Variants in RIMS1 observed in about 807,000 individuals in gnomAD.
RIMS1 encodes the protein regulating synaptic membrane exocytosis 1, also known as regulating synaptic membrane exocytosis protein 1.
In RIMS1, 83 loss-of-function variants were observed where a neutral mutation model predicts 214.1. The ratio of observed to expected loss-of-function variants is 0.39; its 90% CI spans 0.32 to 0.47. The LOEUF (loss-of-function observed/expected upper bound fraction) is 0.47. Among genes scored for constraint, RIMS1 ranks in the 20% least tolerant of loss-of-function variants. The pLI is 0.99. For synonymous variants in RIMS1, 793 were observed against 786.8 expected (o/e 1.01, Z -0.13); for missense variants, 2,050 against 2,161.8 (o/e 0.95, Z 1.03).
At chr6:72,347,095 C>G (rs16879207) in intron 29 of RIMS1, among the ~76,000 whole-genome samples, 2,264 of 151,906 alleles carry the variant, frequency 0.015, 42 homozygotes, top group African/African-American at 0.052. Flanking sequence ...TTATACCATA[C>G]GTCTATTGAT....
At chr6:71,909,568 T>TTTAA (rs1005460555) in intron 1 of RIMS1, among the ~76,000 whole-genome samples, 1 of 152,166 alleles carries the variant, frequency 6.6e-6, no homozygotes, top group East Asian at 1.9e-4. Flanking sequence ...TTTTATTCAT[T>TTTAA]TTAATTAATT....
At chr6:72,207,580 G>A (rs1562577605) in intron 6 of RIMS1, among the ~76,000 whole-genome samples, 1 of 152,158 alleles carries the variant, frequency 6.6e-6, no homozygotes, top group African/African-American at 2.4e-5. Context: ...AGCATTACTT[G>A]AACTGTAGTT....
intron 6 of RIMS1, among the ~76,000 whole-genome samples, chr6:72,194,224 C>T (rs1197226795): frequency 6.6e-6 from 1 of 152,004 alleles, no homozygotes; most frequent in Non-Finnish European, 1.5e-5. Context: ...TCATTCTTCA[C>T]AGAATTAGAT....
In RIMS1 at chr6:71,886,794, C is replaced by T. The variant is rs963153522; in HGVS notation, c.-230C>T. On this transcript the variant is annotated 5_prime_UTR_variant, in exon 1 of 34. Transcript: ENST00000521978. ...CGGCCCCGAGCTTCGCTAGGGCGAC[C>T]AAAACAAAGGCAGCATCCGGGGCTG... is the stretch of plus-strand genomic sequence containing the variant. 7.4e-6 allele frequency: 4 copies of T among 537,662 alleles called. No homozygotes were observed. In the Admixed American group the frequency reaches 1.3e-4, roughly 18 times the overall value. 33.3% of individuals were successfully genotyped at this position (537,662 alleles called of 1,614,324 possible).
chr6:72,330,801 A>G (rs893682221), intron 28 of RIMS1, among the ~76,000 whole-genome samples: 1 of 151,756 alleles, frequency 6.6e-6, no homozygotes, highest in African/African-American at 2.4e-5. Context: ...AATCTGACTG[A>G]TTAGATTCTA....
At position 72,028,493 on chromosome 6, in the gene RIMS1, A is replaced by G. The variant is rs116650959; in HGVS notation, c.245+59430A>G. ...CTAGAATCTGCCAGATAGGCCAACA[A>G]TGGAAGCTGAGTAATGTTTGACAGT... On this transcript the variant is annotated intron_variant, in intron 2 of 33. Transcript: ENST00000521978. 7.4e-3 allele frequency among the ~76,000 whole-genome samples: 1,131 copies of G among 152,300 alleles called. 10 individuals are homozygous for G. Among genetic ancestry groups the G allele is most frequent in the African/African-American group, 0.026 (1,069 of 41,570 alleles).
In RIMS1 at chr6:72,335,054, TTTTG is replaced by T. The variant is rs540093424; in HGVS notation, c.4366+1231_4366+1234del. On this transcript the variant is annotated intron_variant, in intron 29 of 33. Transcript: ENST00000521978. The stretch of plus-strand genomic sequence containing the variant: ...TGGTGGTGCTTCCTGGTTTTTGGTG[TTTTG>T]TTTGTTTGTTTTTTAAATTACACTT... Among the ~76,000 whole-genome samples the T allele has an allele frequency of 3.3e-5, 5 of 152,000 alleles. No homozygotes were observed. The South Asian group carries it at 6.2e-4, about 19-fold the overall frequency.
At chr6:72,300,305 T>G (rs1413236554) in intron 26 of RIMS1, among the ~76,000 whole-genome samples, 3 of 151,798 alleles carry the variant, frequency 2.0e-5, no homozygotes, top group Non-Finnish European at 4.4e-5. Flanking sequence ...AAGAGAGACC[T>G]AATTGAGGAA....
Position 72,292,839 on chromosome 6 carries a change from A to G in RIMS1, c.3850+793A>G, listed in dbSNP as rs146437076. Among the ~76,000 whole-genome samples the G allele has an allele frequency of 5.4e-3, 826 of 152,254 alleles. 4 individuals are homozygous for G. Among genetic ancestry groups the G allele is most frequent in the East Asian group, 0.029 (151 of 5,190 alleles). Reference sequence around the variant, plus strand: ...TTTCTACTTTGGGATTGTAATATAAATGTAGTAGAATTACTTTTAAGATAT... The same window carrying G: ...TTTCTACTTTGGGATTGTAATATAAGTGTAGTAGAATTACTTTTAAGATAT... On this transcript the variant is annotated intron_variant, in intron 26 of 33. Coordinates refer to ENST00000521978, the MANE Select transcript of RIMS1 (RefSeq NM_014989.7).
chr6:72,083,942 G>T (rs993009957), intron 2 of RIMS1, among the ~76,000 whole-genome samples: 2 of 152,288 alleles, frequency 1.3e-5, no homozygotes, highest in Non-Finnish European at 2.9e-5. Context: ...AAAGTGTCCA[G>T]TTGTATAATG....
chr6:72,307,449 C>T (rs956155270), intron 27 of RIMS1, 79 bp downstream of exon 27: 1 of 889,054 alleles, frequency 1.1e-6, no homozygotes, highest in South Asian at 1.8e-5. Flanking sequence ...TAGAAAGCAC[C>T]GAATTATATA....
At chr6:72,162,264 T>G (rs1339248202) in intron 4 of RIMS1, among the ~76,000 whole-genome samples, 1 of 140,494 alleles carries the variant, frequency 7.1e-6, no homozygotes, top group East Asian at 2.0e-4. Flanking sequence ...ATCCCTTTAT[T>G]TTGAGGCTAT....
intron 30 of RIMS1, chr6:72,391,023 A>C (rs1276154290): frequency 3.7e-6 from 1 of 267,572 alleles, no homozygotes; most frequent in East Asian, 6.6e-5. Flanking sequence ...TGTTTAGTGT[A>C]CAAATGCCAC....
chr6:72,257,822 G>A (rs1369667346), intron 16 of RIMS1, among the ~76,000 whole-genome samples: 2 of 151,982 alleles, frequency 1.3e-5, no homozygotes, highest in African/African-American at 2.4e-5. Flanking sequence ...TCACGAACTC[G>A]TTCATTATTT....
intron 6 of RIMS1, among the ~76,000 whole-genome samples, chr6:72,192,268 A>G (rs1401838082): frequency 6.6e-6 from 1 of 152,244 alleles, no homozygotes; most frequent in Non-Finnish European, 1.5e-5. Flanking sequence ...GCTCAGAGCC[A>G]GTGTCTGGTA....
intron 4 of RIMS1, among the ~76,000 whole-genome samples, chr6:72,172,053 TA>T (rs952784948): frequency 1.3e-5 from 2 of 151,882 alleles, no homozygotes; most frequent in South Asian, 2.1e-4. Context: ...ACAAAATTAA[TA>T]AAAAAACTAT....
Position 72,074,660 on chromosome 6 carries a change from G to A in RIMS1, c.246-22289G>A, listed in dbSNP as rs2153750057. Among the ~76,000 whole-genome samples the A allele has an allele frequency of 1.3e-5, 2 of 152,278 alleles. 1 individual carries two copies. Among genetic ancestry groups the A allele is most frequent in the South Asian group, 4.1e-4 (2 of 4,828 alleles). On this transcript the variant is annotated intron_variant, in intron 2 of 33. Coordinates refer to ENST00000521978, the MANE Select transcript of RIMS1 (RefSeq NM_014989.7). The stretch of plus-strand genomic sequence containing the variant: ...AGCCTGGGCATGAGAGTGAGATCCT[G>A]CCTCCAAAGGGGAAAAAATATATCA...
At chr6:71,949,197 G>A (rs1788717475) in intron 1 of RIMS1, among the ~76,000 whole-genome samples, 1 of 152,150 alleles carries the variant, frequency 6.6e-6, no homozygotes, top group African/African-American at 2.4e-5. Context: ...ATGAAAGAAT[G>A]AACATAACTT....
At chr6:72,235,118 G>A (rs529484430) in intron 7 of RIMS1, among the ~76,000 whole-genome samples, 68 of 152,026 alleles carry the variant, frequency 4.5e-4, no homozygotes, top group African/African-American at 1.6e-3. Context: ...GCAGTGCATA[G>A]TGATGTGTCA....
Sources: allele counts gnomAD v4.1 joint callset (sites outside exome capture counted in the v4.1 genomes callset), GRCh38; gene constraint gnomAD v4.1.1; transcripts MANE v1.5; gene names NCBI Gene and HGNC (gene_info 2026-07-23, HGNC 2026-07-21).